Variants in LNX1 observed in about 807,000 individuals in gnomAD.
LNX1 encodes the protein E3 ubiquitin-protein ligase LNX.
A neutral mutation model predicts 68.4 loss-of-function variants in LNX1; 54 were observed. That is an observed-to-expected ratio of 0.79 (90% CI 0.63 to 0.99). The LOEUF (loss-of-function observed/expected upper bound fraction) is 0.99. Ranked by LOEUF, LNX1 falls within the 50% of genes least tolerant of loss-of-function variation. LNX1 has a pLI of 0.00. For missense variants in LNX1, 906 were observed against 926.4 expected (o/e 0.98, Z 0.29); for synonymous variants, 336 against 350.0 (o/e 0.96, Z 0.45).
intron 1 of LNX1, among the ~76,000 whole-genome samples, chr4:53,585,319 A>G (rs1338950759): frequency 1.3e-5 from 2 of 152,184 alleles, no homozygotes; most frequent in Non-Finnish European, 1.5e-5. Flanking sequence ...GATGGCTGCC[A>G]ATTCTGACTC....
chr4:53,646,635 A>G (rs1734890377), intron 1 of LNX1, among the ~76,000 whole-genome samples: 1 of 152,216 alleles, frequency 6.6e-6, no homozygotes, highest in South Asian at 2.1e-4. Flanking sequence ...GAATTTTTAT[A>G]TGAAATCTCC....
intron 1 of LNX1, among the ~76,000 whole-genome samples, chr4:53,633,641 A>T (rs1734358980): frequency 6.6e-6 from 1 of 152,174 alleles, no homozygotes; most frequent in Admixed American, 6.5e-5. Context: ...GTGTTTAGCC[A>T]GGGAAGGCTA....
At chr4:53,503,615 T>C (rs1371194310) in intron 4 of LNX1, among the ~76,000 whole-genome samples, 3 of 152,228 alleles carry the variant, frequency 2.0e-5, no homozygotes, top group African/African-American at 7.2e-5. Flanking sequence ...TGTTGTTCCA[T>C]GGAGAAAGCA....
chr4:53,558,918 C>T (rs1431680579), intron 2 of LNX1, among the ~76,000 whole-genome samples: 2 of 152,182 alleles, frequency 1.3e-5, no homozygotes, highest in African/African-American at 4.8e-5. Flanking sequence ...GGATTTGAGA[C>T]TGCATCACCG....
intron 1 of LNX1, among the ~76,000 whole-genome samples, chr4:53,631,658 A>T (rs1297358523): frequency 6.6e-6 from 1 of 152,164 alleles, no homozygotes; most frequent in Non-Finnish European, 1.5e-5. Flanking sequence ...ACTTAAGACC[A>T]TCGATCAGAA....
chr4:53,508,817 G>C (rs948775566), intron 2 of LNX1, among the ~76,000 whole-genome samples: 3 of 152,142 alleles, frequency 2.0e-5, no homozygotes, highest in African/African-American at 4.8e-5. Flanking sequence ...CCCTGGTGTT[G>C]GGGGCTCCCA....
intron 2 of LNX1, among the ~76,000 whole-genome samples, chr4:53,546,406 C>T (rs1729122518): frequency 6.6e-6 from 1 of 152,172 alleles, no homozygotes; most frequent in Non-Finnish European, 1.5e-5. Context: ...CACACTGTGT[C>T]ACCTCTATGT....
intron 8 of LNX1, 98 bp downstream of exon 8, chr4:53,478,467 C>T: frequency 2.7e-6 from 3 of 1,093,388 alleles, no homozygotes; most frequent in Non-Finnish European, 3.9e-6. Flanking sequence ...ATCACTCCCA[C>T]ATTCTCTCAT....
chr4:53,495,172 C>T (rs1452327633), intron 6 of LNX1, among the ~76,000 whole-genome samples: 2 of 151,996 alleles, frequency 1.3e-5, no homozygotes, highest in Non-Finnish European at 2.9e-5. Flanking sequence ...TGGGATCTCT[C>T]TGTATTATTT....
In LNX1 at chr4:53,499,290, C is replaced by A. The variant is rs1314182644; in HGVS notation, c.776-447G>T. ...CTTCCCACCTCAGCCTCCCAAGTAG[C>A]TAAGACTACAGGCACATGCCACCAT... On this transcript the variant is annotated intron_variant, in intron 4 of 10. Coordinates refer to ENST00000263925, the MANE Select transcript of LNX1 (RefSeq NM_001126328.3). 2.0e-5 allele frequency among the ~76,000 whole-genome samples: 3 copies of A among 152,176 alleles called. No homozygotes were observed. In the East Asian group the frequency reaches 5.8e-4, roughly 29 times the overall value.
At chr4:53,632,715 T>C (rs1237181877) in intron 1 of LNX1, among the ~76,000 whole-genome samples, 1 of 152,102 alleles carries the variant, frequency 6.6e-6, no homozygotes, top group Non-Finnish European at 1.5e-5. Flanking sequence ...GGGAACCATA[T>C]CAGGTTAGGG....
intron 6 of LNX1, among the ~76,000 whole-genome samples, chr4:53,489,147 C>T (rs2109443775): frequency 6.6e-6 from 1 of 152,270 alleles, no homozygotes; most frequent in South Asian, 2.1e-4. Flanking sequence ...ATGAGTATCT[C>T]ATGCTGAAGA....
chr4:53,468,085 CAGAG>C (rs1722839063), intron 9 of LNX1, among the ~76,000 whole-genome samples: 1 of 152,144 alleles, frequency 6.6e-6, no homozygotes, highest in Non-Finnish European at 1.5e-5. Context: ...TCAGGGCAGC[CAGAG>C]AGAAAGGTCG....
At chr4:53,471,454 T>C (rs1437711084) in intron 9 of LNX1, among the ~76,000 whole-genome samples, 3 of 151,884 alleles carry the variant, frequency 2.0e-5, no homozygotes, top group Non-Finnish European at 2.9e-5. Context: ...GTCTAAAACA[T>C]CAAAAGCAAT....
rs145209844 is a variant in LNX1, at chr4:53,545,928, C to T, written c.380+27695G>A. Among the ~76,000 whole-genome samples, 22 of 151,914 alleles carry T rather than the reference C, an allele frequency of 1.4e-4. No individual in the cohort carries two copies. The East Asian group carries it at 4.3e-3, about 30-fold the overall frequency. On this transcript the variant is annotated intron_variant, in intron 2 of 10. Coordinates refer to ENST00000263925, the MANE Select transcript of LNX1 (RefSeq NM_001126328.3). ...GTTCAAGCAATTCTCCCGCCTCAAC[C>T]TCCTGAGTAGCTGGTAGTACAGTGC...
At chr4:53,511,798 A>AT (rs1726362256) in intron 2 of LNX1, among the ~76,000 whole-genome samples, 1 of 152,166 alleles carries the variant, frequency 6.6e-6, no homozygotes, top group Non-Finnish European at 1.5e-5. Context: ...AGACGTTCTG[A>AT]TAGGGTATCC....
intron 2 of LNX1, among the ~76,000 whole-genome samples, chr4:53,565,000 C>G (rs1038852682): frequency 6.6e-6 from 1 of 152,162 alleles, no homozygotes; most frequent in African/African-American, 2.4e-5. Context: ...AGGGTCCTAC[C>G]CCACGGAGTC....
chr4:53,507,962 C>A, intron 3 of LNX1, 24 bp downstream of exon 3: 1 of 1,601,948 alleles, frequency 6.2e-7, no homozygotes, highest in Non-Finnish European at 8.5e-7. Flanking sequence ...AGCCCATTCC[C>A]GGACAACCAC....
At chr4:53,477,405 T>C (rs1010967080) in intron 8 of LNX1, among the ~76,000 whole-genome samples, 1 of 152,138 alleles carries the variant, frequency 6.6e-6, no homozygotes, top group African/African-American at 2.4e-5. Flanking sequence ...TAAATATGGA[T>C]TGAATGAAAA....
Sources: gnomAD v4.1 joint callset for allele counts (sites outside exome capture counted in the v4.1 genomes callset) on GRCh38, gnomAD v4.1.1 for gene constraint, MANE v1.5 for transcripts, NCBI Gene and HGNC (gene_info 2026-07-23, HGNC 2026-07-21) for gene names.